Variants in WARS2 observed in about 807,000 individuals in gnomAD.
WARS2 encodes tryptophanyl tRNA synthetase 2, mitochondrial.
A neutral mutation model predicts 36.5 loss-of-function variants in WARS2; 28 were observed. That is an observed-to-expected ratio of 0.77 (90% confidence interval 0.57 to 1.05). WARS2 has a LOEUF of 1.05. Ranked by LOEUF, WARS2 falls within the 50% of genes least tolerant of loss-of-function variation. The pLI is 0.00. For missense variants in WARS2, 435 were observed against 456.8 expected (o/e 0.95, Z 0.44); for synonymous variants, 174 against 178.4 (o/e 0.98, Z 0.20).
At chr1:119,038,298 A>G (rs1433920740) in intron 4 of WARS2, among the ~76,000 whole-genome samples, 1 of 152,246 alleles carries the variant, frequency 6.6e-6, no homozygotes, top group Non-Finnish European at 1.5e-5. Context: ...AGCTTCCTGC[A>G]TCTCGGAAAA....
chr1:119,088,443 C>CACAA (rs1213153958), intron 1 of WARS2, among the ~76,000 whole-genome samples: 7 of 87,574 alleles, frequency 8.0e-5, no homozygotes, highest in Non-Finnish European at 1.0e-4. Flanking sequence ...GAAACACACA[C>CACAA]ACACACACAC....
chr1:119,127,238 C>G (rs1265285732), intron 1 of WARS2: 1 of 768,036 alleles, frequency 1.3e-6, no homozygotes, highest in East Asian at 2.7e-5. Context: ...CCACTTTCTT[C>G]TTGGCTCCCT....
At chr1:119,074,314 G>A (rs139407750) in intron 2 of WARS2, among the ~76,000 whole-genome samples, 43 of 152,306 alleles carry the variant, frequency 2.8e-4, no homozygotes, top group Non-Finnish European at 5.6e-4. Flanking sequence ...TATACAGTAA[G>A]GACCTACGGG....
intron 2 of WARS2, among the ~76,000 whole-genome samples, chr1:119,057,715 G>A (rs900645628): frequency 2.0e-5 from 3 of 151,404 alleles, no homozygotes; most frequent in East Asian, 2.0e-4. Flanking sequence ...GTTTGAACCC[G>A]GGAGGCAGAG....
At chr1:119,052,542 T>G (rs1649453003) in intron 2 of WARS2, among the ~76,000 whole-genome samples, 1 of 152,230 alleles carries the variant, frequency 6.6e-6, no homozygotes, top group Non-Finnish European at 1.5e-5. Flanking sequence ...CCAATAAACA[T>G]CTGTCTGTAC....
At chr1:119,054,167 A>T (rs1048817158) in intron 2 of WARS2, among the ~76,000 whole-genome samples, 11 of 151,488 alleles carry the variant, frequency 7.3e-5, no homozygotes, top group Admixed American at 7.2e-4. Context: ...CATTTTAAAT[A>T]AAGGACTCCT....
intron 2 of WARS2, among the ~76,000 whole-genome samples, chr1:119,060,795 G>A (rs770234549): frequency 5.1e-4 from 78 of 152,278 alleles, no homozygotes; most frequent in Admixed American, 1.2e-3. Context: ...ATAGAAACCT[G>A]CATTCTTACT....
At chr1:119,066,861 T>C (rs578176296) in intron 2 of WARS2, among the ~76,000 whole-genome samples, 69 of 152,200 alleles carry the variant, frequency 4.5e-4, no homozygotes, top group Admixed American at 2.9e-3. Context: ...ATATATCATA[T>C]ATCCTCCTGA....
intron 1 of WARS2, among the ~76,000 whole-genome samples, chr1:119,134,348 CA>C (rs904030652): frequency 9.7e-5 from 8 of 82,544 alleles, no homozygotes; most frequent in Non-Finnish European, 2.1e-4. Context: ...AAAACAAAGA[CA>C]AAAACAAAAA....
At chr1:119,085,685 T>C in intron 1 of WARS2, 2 of 1,440,464 alleles carry the variant, frequency 1.4e-6, no homozygotes, top group Non-Finnish European at 2.0e-6. Flanking sequence ...TGGCCAGAAT[T>C]GTGCTCCTCT....
At chr1:119,132,191 T>C (rs1042036173) in intron 1 of WARS2, among the ~76,000 whole-genome samples, 3 of 152,170 alleles carry the variant, frequency 2.0e-5, no homozygotes, top group Non-Finnish European at 4.4e-5. Context: ...AATGTGGTGG[T>C]AGAGCCAGGC....
intron 1 of WARS2, among the ~76,000 whole-genome samples, chr1:119,120,280 T>C (rs967165962): frequency 6.6e-6 from 1 of 151,950 alleles, no homozygotes; most frequent in Non-Finnish European, 1.5e-5. Flanking sequence ...AACACCTTTA[T>C]GTGCATAAAC....
intron 2 of WARS2, among the ~76,000 whole-genome samples, chr1:119,052,152 C>CA (rs1337951496): frequency 7.2e-5 from 11 of 152,058 alleles, no homozygotes; most frequent in Non-Finnish European, 1.6e-4. Context: ...GCAGGATAGA[C>CA]AGCATGATTC....
At chr1:119,084,088 A>C (rs1004677460) in intron 1 of WARS2, among the ~76,000 whole-genome samples, 23 of 151,562 alleles carry the variant, frequency 1.5e-4, no homozygotes, top group African/African-American at 5.6e-4. Context: ...GTGGACGATC[A>C]GAGCTCACTG....
chr1:119,133,717 A>G (rs1373546530), intron 1 of WARS2, among the ~76,000 whole-genome samples: 1 of 152,216 alleles, frequency 6.6e-6, no homozygotes, highest in African/African-American at 2.4e-5. Flanking sequence ...TGGTACTATC[A>G]GACCAGGGCC....
At chr1:119,091,320 C>T (rs913797573) in intron 1 of WARS2, among the ~76,000 whole-genome samples, 3 of 152,100 alleles carry the variant, frequency 2.0e-5, no homozygotes, top group Admixed American at 2.0e-4. Context: ...TCATTTGATC[C>T]TCATAAAAAC....
intron 2 of WARS2, among the ~76,000 whole-genome samples, chr1:119,055,631 T>C (rs1254387747): frequency 2.7e-5 from 4 of 149,382 alleles, no homozygotes; most frequent in African/African-American, 4.9e-5. Flanking sequence ...AATAGAGGGA[T>C]AGTCTGTCCC....
rs1656886810 is a variant in WARS2, at chr1:119,140,537, A to T, written c.90+18T>A. The T allele has an allele frequency of 1.9e-6, 3 of 1,610,486 alleles. No homozygotes were observed. The highest frequency in any genetic ancestry group is 2.5e-6 in the Non-Finnish European group (3 of 1,177,342). On this transcript the variant is annotated intron_variant, in intron 1 of 5. Transcript: ENST00000235521. ...CGCGGGATGGGAAGCCGCGGAGGGA[A>T]GGGCCGTCTTTGGTTACCTGGAGAG...
At chr1:119,098,242 C>T (rs967991743) in intron 1 of WARS2, among the ~76,000 whole-genome samples, 1 of 152,002 alleles carries the variant, frequency 6.6e-6, no homozygotes, top group Non-Finnish European at 1.5e-5. Context: ...GAGCGAGACA[C>T]CGTCTCAAAA....
Sources: gnomAD v4.1 joint callset for allele counts (sites outside exome capture counted in the v4.1 genomes callset) on GRCh38, gnomAD v4.1.1 for gene constraint, MANE v1.5 for transcripts, NCBI Gene and HGNC (gene_info 2026-07-23, HGNC 2026-07-21) for gene names.